PRKG1: variants seen among roughly 807,000 people sequenced by gnomAD.
PRKG1 encodes cGMP-dependent protein kinase 1.
In PRKG1, 35 loss-of-function variants were observed where a neutral mutation model predicts 88.1. The observed-to-expected ratio is 0.40, with a 90% CI of 0.30 to 0.53. PRKG1 has a LOEUF of 0.53. PRKG1 is among the 20% of genes least tolerant of loss of function. The pLI is 0.59. For synonymous variants in PRKG1, 303 were observed against 292.5 expected, an observed-to-expected ratio of 1.04 and a Z score of -0.37; for missense variants, 540 against 839.8, an observed-to-expected ratio of 0.64 and a Z score of 4.41.
At chr10:51,279,233 AG>A (rs1405386887) in intron 2 of PRKG1, among the ~76,000 whole-genome samples, 2 of 152,206 alleles carry the variant, frequency 1.3e-5, no homozygotes, top group Non-Finnish European at 2.9e-5. Context: ...ATTCAGAAGC[AG>A]GTTGTTCAGT....
chr10:51,190,666 T>A (rs1837608536), intron 2 of PRKG1, among the ~76,000 whole-genome samples: 1 of 151,890 alleles, frequency 6.6e-6, no homozygotes, highest in Non-Finnish European at 1.5e-5. Context: ...CTGATTTTGA[T>A]CTTGATTAAT....
Position 51,353,204 on chromosome 10 carries a change from A to G in PRKG1, c.479-114519A>G, listed in dbSNP as rs1842291270. Among the ~76,000 whole-genome samples the G allele has an allele frequency of 2.0e-5, 3 of 152,226 alleles. No individual in the cohort carries two copies. In the South Asian group the frequency reaches 6.2e-4, roughly 32 times the overall value. ...AACTGTGAAACTACCACAAGAAAAC[A>G]CTGGGGAAACTCTCTAGGACATTGA... On this transcript the variant is annotated intron_variant, in intron 2 of 17. Coordinates refer to ENST00000373980, the MANE Select transcript of PRKG1 (RefSeq NM_006258.4).
chr10:51,147,358 A>G (rs1010945776), intron 1 of PRKG1, among the ~76,000 whole-genome samples: 2 of 152,196 alleles, frequency 1.3e-5, no homozygotes, highest in African/African-American at 4.8e-5. Context: ...CTTGATCATT[A>G]CACATTATGT....
intron 9 of PRKG1, among the ~76,000 whole-genome samples, chr10:52,240,139 T>C (rs944673358): frequency 6.6e-6 from 1 of 152,198 alleles, no homozygotes; most frequent in African/African-American, 2.4e-5. Context: ...CCTGTAAGTA[T>C]GCACTGCATT....
chr10:51,312,771 C>T (rs1329865539), intron 2 of PRKG1, among the ~76,000 whole-genome samples: 1 of 151,516 alleles, frequency 6.6e-6, no homozygotes, highest in Non-Finnish European at 1.5e-5. Context: ...TGAACCTTCA[C>T]AAATATACTA....
At chr10:51,665,807 A>G (rs1023705015) in intron 3 of PRKG1, among the ~76,000 whole-genome samples, 17 of 152,130 alleles carry the variant, frequency 1.1e-4, no homozygotes, top group African/African-American at 4.1e-4. Flanking sequence ...ATATTAAGAT[A>G]TAAGAGATAT....
chr10:52,083,866 G>A (rs539970822), intron 7 of PRKG1, among the ~76,000 whole-genome samples: 43 of 152,092 alleles, frequency 2.8e-4, no homozygotes, highest in Admixed American at 4.6e-4. Flanking sequence ...GTATAAAGAA[G>A]CAAATCATGT....
At chr10:52,102,590 CAAAAAAAAGA>C (rs1246516330) in intron 7 of PRKG1, among the ~76,000 whole-genome samples, 2 of 112,260 alleles carry the variant, frequency 1.8e-5, no homozygotes, top group Admixed American at 1.8e-4. Flanking sequence ...GTGGATATGG[CAAAAAAAAGA>C]AAAAAAAATT....
chr10:52,247,465 TAATAA>T (rs1334383659), intron 9 of PRKG1, among the ~76,000 whole-genome samples: 2 of 152,188 alleles, frequency 1.3e-5, no homozygotes, highest in African/African-American at 4.8e-5. Flanking sequence ...GAAGGTTGTT[TAATAA>T]AATAACAGGT....
chr10:51,198,826 A>G (rs1837839599), intron 2 of PRKG1, among the ~76,000 whole-genome samples: 1 of 152,212 alleles, frequency 6.6e-6, no homozygotes, highest in Non-Finnish European at 1.5e-5. Flanking sequence ...GTTTGATAGA[A>G]ATGGATGTTG....
chr10:51,750,662 GA>G (rs1380406153), intron 3 of PRKG1, among the ~76,000 whole-genome samples: 3 of 152,208 alleles, frequency 2.0e-5, no homozygotes, highest in Non-Finnish European at 4.4e-5. Flanking sequence ...GGACCAGGAA[GA>G]AAGCTAACAC....
At chr10:51,300,348 G>A (rs543707148) in intron 2 of PRKG1, among the ~76,000 whole-genome samples, 3 of 152,298 alleles carry the variant, frequency 2.0e-5, no homozygotes, top group Admixed American at 6.5e-5. Context: ...TGGAGTAATA[G>A]TATATTATAG....
intron 2 of PRKG1, among the ~76,000 whole-genome samples, chr10:51,362,834 T>G (rs1049406327): frequency 3.3e-5 from 5 of 151,902 alleles, no homozygotes; most frequent in Admixed American, 2.0e-4. Context: ...TGTGTCCATG[T>G]GTTCTCATTG....
chr10:52,208,860 A>G (rs1161799383), intron 9 of PRKG1, among the ~76,000 whole-genome samples: 1 of 152,020 alleles, frequency 6.6e-6, no homozygotes, highest in African/African-American at 2.4e-5. Flanking sequence ...ATGTGTAGAT[A>G]TATTCTAATG....
chr10:51,796,832 G>A (rs1388774712), intron 3 of PRKG1, among the ~76,000 whole-genome samples: 3 of 152,148 alleles, frequency 2.0e-5, no homozygotes, highest in South Asian at 4.1e-4. Flanking sequence ...AGGCAAATTT[G>A]ATTTCTCTTC....
At chr10:52,253,766 A>G (rs1335297448) in intron 10 of PRKG1, among the ~76,000 whole-genome samples, 1 of 152,006 alleles carries the variant, frequency 6.6e-6, no homozygotes, top group Non-Finnish European at 1.5e-5. Flanking sequence ...ATTAATTGAG[A>G]TTGGAACTAT....
At chr10:51,172,600 CTATGTATG>C (rs34401585) in intron 2 of PRKG1, among the ~76,000 whole-genome samples, 4,562 of 141,498 alleles carry the variant, frequency 0.032, 128 homozygotes, top group East Asian at 0.072. Flanking sequence ...CTATGTCTGT[CTATGTATG>C]TATGTATGTA....
intron 2 of PRKG1, among the ~76,000 whole-genome samples, chr10:51,327,327 G>A (rs1211174682): frequency 1.3e-5 from 2 of 151,498 alleles, no homozygotes; most frequent in Non-Finnish European, 2.9e-5. Flanking sequence ...TGAGATAGGA[G>A]GATTGCTTGA....
chr10:52,284,394 A>T (rs539219720), intron 14 of PRKG1, among the ~76,000 whole-genome samples: 2 of 151,960 alleles, frequency 1.3e-5, no homozygotes, highest in African/African-American at 4.8e-5. Flanking sequence ...AGAAATAACA[A>T]GACAGAAAGA....
Sources: allele counts gnomAD v4.1 joint callset (sites outside exome capture counted in the v4.1 genomes callset), GRCh38; gene constraint gnomAD v4.1.1; transcripts MANE v1.5; gene names NCBI Gene and HGNC (gene_info 2026-07-23, HGNC 2026-07-21).